The following CCDC30 variants were observed in gnomAD, a reference collection of about 807,000 sequenced individuals.
The protein encoded by CCDC30 is coiled-coil domain containing 30.
A neutral mutation model predicts 100.2 loss-of-function variants in CCDC30; 70 were observed. The ratio of observed to expected loss-of-function variants is 0.70; its 90% CI spans 0.58 to 0.85. The LOEUF (loss-of-function observed/expected upper bound fraction) is 0.85, where lower values mean the gene tolerates loss of function less well. Ranked by LOEUF, CCDC30 falls within the 40% of genes least tolerant of loss-of-function variation. CCDC30 has a pLI of 0.00. For synonymous variants in CCDC30, 233 were observed against 269.5 expected (o/e 0.86, Z 1.33); for missense variants, 652 against 771.2 (o/e 0.85, Z 1.83).
intron 7 of CCDC30, 119 bp from the exon 12 acceptor site, chr1:42,576,901 C>A (rs1304964049): frequency 1.5e-6 from 1 of 687,856 alleles, no homozygotes. Context: ...AGGTACTCAG[C>A]CATGTGACAT....
intron 6 of CCDC30, among the ~76,000 whole-genome samples, chr1:42,504,144 T>C (rs1210896036): frequency 6.6e-6 from 1 of 152,268 alleles, no homozygotes; most frequent in East Asian, 1.9e-4. Context: ...CAGGAGCATG[T>C]CCTTAAGGCA....
At chr1:42,621,715 G>A (rs1344689391) in intron 11 of CCDC30, among the ~76,000 whole-genome samples, 1 of 151,998 alleles carries the variant, frequency 6.6e-6, no homozygotes, top group Non-Finnish European at 1.5e-5. Context: ...GTTTCACTGT[G>A]TTAGCCAGGA....
intron 6 of CCDC30, among the ~76,000 whole-genome samples, chr1:42,543,074 C>G (rs1284372841): frequency 6.6e-6 from 1 of 151,966 alleles, no homozygotes; most frequent in Non-Finnish European, 1.5e-5. Flanking sequence ...CTGACCTCTC[C>G]CTTCAATCTT....
At chr1:42,529,838 G>T (rs1644780252) in intron 6 of CCDC30, 2 of 152,194 alleles carry the variant, frequency 1.3e-5, no homozygotes, top group Non-Finnish European at 2.9e-5. Flanking sequence ...GACTACAGTA[G>T]TTCCCTCTTA....
intron 15 of CCDC30, among the ~76,000 whole-genome samples, chr1:42,646,862 G>C (rs1368098540): frequency 6.6e-6 from 1 of 152,136 alleles, no homozygotes; most frequent in East Asian, 1.9e-4. Flanking sequence ...ACTTTGGGAG[G>C]CTGCGGTGGA....
At chr1:42,626,064 G>C (rs376552979) in intron 11 of CCDC30, among the ~76,000 whole-genome samples, 3 of 152,068 alleles carry the variant, frequency 2.0e-5, no homozygotes, top group Admixed American at 6.5e-5. Flanking sequence ...ATTTATAATT[G>C]TTATATCCTC....
the CCDC30 span, chr1:42,456,954 A>G: frequency 5.6e-6 from 9 of 1,605,216 alleles, no homozygotes; most frequent in Non-Finnish European, 6.8e-6. Flanking sequence ...GGTTTTGCTG[A>G]GGCTCTGAGG....
rs565009117 is a variant in CCDC30 at position 42,641,270 on chromosome 1, G to T, written c.1420-1203G>T. 1.1e-4 allele frequency among the ~76,000 whole-genome samples: 16 copies of T among 149,438 alleles called. No individual in the cohort carries two copies. The South Asian group carries it at 2.6e-3, about 24-fold the overall frequency. ...GTGTGTGTGTGTGTGTGGAGACGGG[G>T]TCTCACCATGTTGACCAGGCTGGTC... On this transcript the variant is annotated intron_variant, in intron 12 of 16. Transcript: ENST00000668663.
At position 42,589,434 on chromosome 1, in the gene CCDC30, A is replaced by G. The variant is rs1209113316; in HGVS notation, c.1115A>G (p.Gln372Arg). ...CAGCAACAATCCAGAATTCAGCAAC[A>G]AGAGGCCCTACTTAAACAACTGGAA... The change falls in exon 10 of 17, where the codon CAA becomes CGA. Residue 372 changes from glutamine to arginine, a missense_variant. Gln to Arg is a conservative substitution (Grantham distance 43, BLOSUM62 1). Transcript: ENST00000668663. The G allele has an allele frequency of 1.4e-5, 22 of 1,614,090 alleles. No homozygotes were observed. The highest frequency in any genetic ancestry group is 1.8e-5 in the Non-Finnish European group (21 of 1,179,958).
At chr1:42,560,852 C>T (rs1396584150) in intron 6 of CCDC30, among the ~76,000 whole-genome samples, 2 of 152,094 alleles carry the variant, frequency 1.3e-5, no homozygotes, top group African/African-American at 2.4e-5. Flanking sequence ...ACTAGAAAAT[C>T]TAGAAGAAAT....
intron 15 of CCDC30, among the ~76,000 whole-genome samples, chr1:42,651,488 A>C (rs1490038109): frequency 2.0e-5 from 3 of 152,092 alleles, no homozygotes; most frequent in Non-Finnish European, 4.4e-5. Flanking sequence ...AAAGCTCAAC[A>C]TCATGAATCG....
chr1:42,473,475 T>C (rs1311276404), intron 1 of CCDC30: 5 of 396,110 alleles, frequency 1.3e-5, no homozygotes, highest in Non-Finnish European at 2.2e-5. Context: ...TGTGTTGGTT[T>C]CCATTAAGAC....
chr1:42,556,574 A>C (rs1339549596), intron 6 of CCDC30, among the ~76,000 whole-genome samples, 169 bp downstream of exon 10: 1 of 152,166 alleles, frequency 6.6e-6, no homozygotes, highest in Non-Finnish European at 1.5e-5. Context: ...ATACAGGTAT[A>C]CAATGCATAA....
At chr1:42,628,966 T>C (rs1406673297) in intron 11 of CCDC30, among the ~76,000 whole-genome samples, 2 of 152,248 alleles carry the variant, frequency 1.3e-5, no homozygotes, top group African/African-American at 4.8e-5. Context: ...TTTTACTTGT[T>C]TCTGTTTATA....
Position 42,577,087 on chromosome 1 carries a change from C to T in CCDC30, c.704C>T (p.Thr235Met), listed in dbSNP as rs562709953. ...AGCACAAAGATGTGCTCTTCACTCA[C>T]GGCAGAGTACAAGCACTGTCAGCAG... The change falls in exon 8 of 17, where the codon ACG (threonine) becomes ATG (methionine). Residue 235 changes from threonine to methionine, a missense_variant. Coordinates refer to ENST00000668663, the Ensembl canonical transcript of CCDC30. The T allele has an allele frequency of 8.9e-5, 143 of 1,613,986 alleles. No individual in the cohort carries two copies. In the Middle Eastern group the frequency reaches 9.9e-4, roughly 11 times the overall value.
intron 4 of CCDC30, among the ~76,000 whole-genome samples, chr1:42,493,872 G>A (rs977453486): frequency 2.6e-5 from 4 of 152,300 alleles, no homozygotes; most frequent in African/African-American, 9.6e-5. Flanking sequence ...CCTCAGCTAA[G>A]AAGAAATAGC....
chr1:42,511,731 A>T (rs1644480786), intron 6 of CCDC30, among the ~76,000 whole-genome samples: 2 of 152,118 alleles, frequency 1.3e-5, no homozygotes, highest in South Asian at 4.2e-4. Context: ...GAATTTGGCA[A>T]AGGGACGACA....
At chr1:42,557,593 T>TA (rs2148552929) in intron 6 of CCDC30, among the ~76,000 whole-genome samples, 1 of 141,274 alleles carries the variant, frequency 7.1e-6, no homozygotes, top group Admixed American at 7.2e-5. Context: ...TTTATTTTAT[T>TA]AAAATAAAAT....
chr1:42,622,621 C>CA (rs1646861398), intron 11 of CCDC30, among the ~76,000 whole-genome samples: 1 of 151,976 alleles, frequency 6.6e-6, no homozygotes, highest in African/African-American at 2.4e-5. Flanking sequence ...CGTACTTATG[C>CA]ACCACCGCAC....
Sources: allele counts gnomAD v4.1 joint callset (sites outside exome capture counted in the v4.1 genomes callset), GRCh38; gene constraint gnomAD v4.1.1; transcripts MANE v1.5; gene names NCBI Gene and HGNC (gene_info 2026-07-23, HGNC 2026-07-21).